Variants in LRCH1 observed in about 807,000 individuals in gnomAD.
LRCH1 encodes the protein leucine rich repeats and calponin homology domain containing 1, also known as leucine-rich repeat and calponin homology domain-containing protein 1.
A neutral mutation model predicts 94.9 loss-of-function variants in LRCH1; 23 were observed. That is an observed-to-expected ratio of 0.24 (90% confidence interval 0.17 to 0.34). The LOEUF is 0.34. Ranked by LOEUF, LRCH1 falls within the 10% of genes least tolerant of loss-of-function variation. LRCH1 has a pLI of 1.00. For synonymous variants in LRCH1, 364 were observed against 354.9 expected (o/e 1.03, Z -0.29); for missense variants, 790 against 945.9 (o/e 0.84, Z 2.16).
At chr13:46,619,650 C>T (rs554409721) in intron 1 of LRCH1, among the ~76,000 whole-genome samples, 4 of 152,204 alleles carry the variant, frequency 2.6e-5, no homozygotes, top group Non-Finnish European at 4.4e-5. Context: ...AAATCACACG[C>T]GAAGCTCTGT....
At chr13:46,589,121 C>T (rs996992496) in intron 1 of LRCH1, among the ~76,000 whole-genome samples, 2 of 152,052 alleles carry the variant, frequency 1.3e-5, no homozygotes, top group Non-Finnish European at 2.9e-5. Context: ...ACTGCAGCCT[C>T]GAACTTCTGG....
At position 46,728,797 on chromosome 13, in the gene LRCH1, A is replaced by C. The variant is rs1160891425; in HGVS notation, c.1870-50A>C. ...ATACCCATAAATGTATTTTACTCAC[A>C]GTTACCTCAGTGTTCATATTAACTG... is the stretch of plus-strand genomic sequence containing the variant. On this transcript the variant is annotated intron_variant, in intron 17 of 19. Coordinates refer to ENST00000389797, the MANE Select transcript of LRCH1 (RefSeq NM_001164211.2). 2.6e-6 allele frequency: 4 copies of C among 1,519,524 alleles called. No homozygotes were observed. The African/African-American group carries it at 5.5e-5, about 21-fold the overall frequency. The allele number at this position is 1,519,524 out of a possible 1,614,324, so 94.1% of individuals were successfully genotyped here.
chr13:46,554,932 AGTGGGCAAGG>A (rs2050047630), intron 1 of LRCH1, among the ~76,000 whole-genome samples: 1 of 152,210 alleles, frequency 6.6e-6, no homozygotes, highest in South Asian at 2.1e-4. Context: ...TTAATCTTGT[AGTGGGCAAGG>A]GAGCAGGCAG....
At chr13:46,641,227 A>C (rs2138063565) in intron 1 of LRCH1, among the ~76,000 whole-genome samples, 1 of 152,268 alleles carries the variant, frequency 6.6e-6, no homozygotes, top group Non-Finnish European at 1.5e-5. Flanking sequence ...TGTAGCTGCG[A>C]TTCTTCTAGA....
intron 9 of LRCH1, among the ~76,000 whole-genome samples, chr13:46,696,167 T>C (rs941410563): frequency 6.6e-6 from 1 of 150,800 alleles, no homozygotes; most frequent in Admixed American, 6.6e-5. Context: ...TACCCAATGC[T>C]GCACCCGCGT....
At chr13:46,697,844 A>G (rs963644702) in intron 9 of LRCH1, among the ~76,000 whole-genome samples, 1 of 150,784 alleles carries the variant, frequency 6.6e-6, no homozygotes, top group African/African-American at 2.4e-5. Flanking sequence ...TTAGCTTAGC[A>G]AAAGCAACCC....
chr13:46,743,667 G>A lies in LRCH1; in HGVS notation c.*1819G>A. ...CAGCATTCCCATCCAGCTCTGCAGT[G>A]CATTGAGGCTTCTCTTTAATGGTCA... On this transcript the variant is annotated 3_prime_UTR_variant, in exon 20 of 20. Coordinates refer to ENST00000389797, the MANE Select transcript of LRCH1 (RefSeq NM_001164211.2). The A allele has an allele frequency of 1.0e-6, 1 of 985,242 alleles. No individual in the cohort carries two copies. Among genetic ancestry groups the A allele is most frequent in the African/African-American group, 1.7e-5 (1 of 57,300 alleles). 61.0% of individuals were successfully genotyped at this position (985,242 alleles called of 1,614,324 possible).
intron 1 of LRCH1, among the ~76,000 whole-genome samples, chr13:46,622,188 GT>G (rs35066689): frequency 0.073 from 6,016 of 82,848 alleles, 410 homozygotes; most frequent in African/African-American, 0.26. Flanking sequence ...ATTTCTATGG[GT>G]TTTTTTTTTT....
intron 13 of LRCH1, among the ~76,000 whole-genome samples, chr13:46,708,511 A>G (rs535732747): frequency 1.1e-4 from 16 of 152,228 alleles, no homozygotes; most frequent in East Asian, 3.9e-4. Flanking sequence ...AGCTCAGGTG[A>G]CCTGCTCACC....
At position 46,742,533 on chromosome 13, in the gene LRCH1, A is replaced by C. The variant is rs3742275; in HGVS notation, c.*685A>C. The C allele has an allele frequency of 0.98, 968,292 of 985,392 alleles. 477,087 individuals are homozygous for C. The highest frequency in any genetic ancestry group is 1 in the Non-Finnish European group (828,743 of 829,964). 61.0% of individuals were successfully genotyped at this position (985,392 alleles called of 1,614,324 possible). On this transcript the variant is annotated 3_prime_UTR_variant, in exon 20 of 20. Coordinates refer to ENST00000389797, the MANE Select transcript of LRCH1 (RefSeq NM_001164211.2). ...CTCTGTCCTATGCAGAAGGGCGCTC[A>C]AGGGAAGGAAGTGTCGTTGCTGTTA...
At chr13:46,628,397 G>C (rs1419216006) in intron 1 of LRCH1, among the ~76,000 whole-genome samples, 1 of 152,116 alleles carries the variant, frequency 6.6e-6, no homozygotes, top group Non-Finnish European at 1.5e-5. Flanking sequence ...CAGCACTTTG[G>C]GAGGCTGAGG....
chr13:46,600,476 G>C (rs2050615340), intron 1 of LRCH1, among the ~76,000 whole-genome samples: 1 of 152,158 alleles, frequency 6.6e-6, no homozygotes, highest in African/African-American at 2.4e-5. Context: ...CTTGGGTCAT[G>C]GTCCTAATTG....
At chr13:46,601,779 G>C (rs2050631572) in intron 1 of LRCH1, among the ~76,000 whole-genome samples, 1 of 152,202 alleles carries the variant, frequency 6.6e-6, no homozygotes, top group Non-Finnish European at 1.5e-5. Context: ...GTTTTTCGTA[G>C]GGGGTTATGG....
chr13:46,554,960 T>C (rs2050047810), intron 1 of LRCH1, among the ~76,000 whole-genome samples: 1 of 152,234 alleles, frequency 6.6e-6, no homozygotes, highest in Admixed American at 6.5e-5. Context: ...CAGTGGGTTT[T>C]TGGAGGCTAG....
At chr13:46,681,318 G>A (rs143582261) in intron 3 of LRCH1, among the ~76,000 whole-genome samples, 1 of 152,332 alleles carries the variant, frequency 6.6e-6, no homozygotes, top group East Asian at 1.9e-4. Flanking sequence ...TGGCTAAACG[G>A]TGAGCTGGTA....
At chr13:46,684,157 AGC>A (rs1870480409) in intron 4 of LRCH1, among the ~76,000 whole-genome samples, 1 of 152,184 alleles carries the variant, frequency 6.6e-6, no homozygotes, top group Non-Finnish European at 1.5e-5. Context: ...GGATTAAAAT[AGC>A]CATTCATTGC....
At chr13:46,728,195 G>A (rs892587646) in intron 17 of LRCH1, among the ~76,000 whole-genome samples, 1 of 151,892 alleles carries the variant, frequency 6.6e-6, no homozygotes. Flanking sequence ...GGGGTTACAG[G>A]TGTGAGCCAC....
At chr13:46,650,401 G>T in intron 2 of LRCH1, 56 bp downstream of exon 2, 3 of 1,438,888 alleles carry the variant, frequency 2.1e-6, no homozygotes, top group East Asian at 2.4e-5. Context: ...AAAAACTTAT[G>T]CTTTCATTTC....
intron 15 of LRCH1, among the ~76,000 whole-genome samples, chr13:46,715,214 T>C (rs1360495373): frequency 6.6e-6 from 1 of 152,206 alleles, no homozygotes; most frequent in Non-Finnish European, 1.5e-5. Flanking sequence ...GCAGGTCTTT[T>C]GCTTTTTATC....
Sources: gnomAD v4.1 joint callset for allele counts (sites outside exome capture counted in the v4.1 genomes callset) on GRCh38, gnomAD v4.1.1 for gene constraint, MANE v1.5 for transcripts, NCBI Gene and HGNC (gene_info 2026-07-23, HGNC 2026-07-21) for gene names.